FBN1: variants seen among roughly 807,000 people sequenced by gnomAD.
FBN1 encodes the protein fibrillin-1.
Under a neutral mutation model 365.1 loss-of-function variants are expected in FBN1, and 29 were observed. The observed-to-expected ratio is 0.08, with a 90% CI of 0.06 to 0.11. The LOEUF (loss-of-function observed/expected upper bound fraction) is 0.11. Among genes scored for constraint, FBN1 ranks in the 10% least tolerant of loss-of-function variants. The probability of loss-of-function intolerance (pLI) is 1.00; values close to 1 mark genes in which losing one functional copy is unlikely to be tolerated. For missense variants in FBN1, 2,476 were observed against 3,703.2 expected, an observed-to-expected ratio of 0.67 and a Z score of 8.60; for synonymous variants, 1,210 against 1,270.5, an observed-to-expected ratio of 0.95 and a Z score of 1.01.
In FBN1 at chr15:48,412,737, A is replaced by G; in HGVS notation, c.8058T>C (p.Cys2686=). The G allele has an allele frequency of 6.2e-7, 1 of 1,614,228 alleles. No individual in the cohort carries two copies. Among genetic ancestry groups the G allele is most frequent in the Non-Finnish European group, 8.5e-7 (1 of 1,180,032 alleles). Residue 2686 remains cysteine (C), a synonymous_variant, in exon 65 of 66, where the codon TGT becomes TGC. Coordinates refer to ENST00000316623, the MANE Select transcript of FBN1 (RefSeq NM_000138.5). The part of the protein sequence containing the change: ...PGYFRIGQGH[C]VSGMGMGRGN... ...CTCGGCCCATGCCCATTCCAGAAAC[A>G]CAGTGCCTGCAGCAGAAGGGGAGCA...
At chr15:48,571,121 T>C (rs1597611501) in intron 6 of FBN1, among the ~76,000 whole-genome samples, 1 of 152,328 alleles carries the variant, frequency 6.6e-6, no homozygotes, top group South Asian at 2.1e-4. Flanking sequence ...CAGGTCAGCA[T>C]GGGTATGAGA....
chr15:48,518,629 C>A (rs910685469), intron 10 of FBN1, among the ~76,000 whole-genome samples: 42 of 152,344 alleles, frequency 2.8e-4, no homozygotes, highest in Admixed American at 7.8e-4. Flanking sequence ...CTATTTTTTA[C>A]AGATTTAGTA....
intron 22 of FBN1, 148 bp downstream of exon 22, chr15:48,494,975 A>G (rs2043592127): frequency 1.1e-6 from 1 of 876,900 alleles, no homozygotes; most frequent in Admixed American, 2.1e-5. Context: ...GACACTTCTT[A>G]TTTCCCATTC....
At chr15:48,602,631 A>G (rs2044576230) in intron 4 of FBN1, among the ~76,000 whole-genome samples, 1 of 152,234 alleles carries the variant, frequency 6.6e-6, no homozygotes, top group Non-Finnish European at 1.5e-5. Context: ...GTATGAATGC[A>G]GAAATAACTC....
chr15:48,543,711 T>C (rs940636095), intron 6 of FBN1, among the ~76,000 whole-genome samples: 2 of 152,176 alleles, frequency 1.3e-5, no homozygotes, highest in African/African-American at 4.8e-5. Context: ...TTATTTTAGA[T>C]TAAAAATCAT....
rs765924733 is a variant in FBN1 at position 48,421,518 on chromosome 15, A to T, written c.7699+40T>A. The stretch of plus-strand genomic sequence containing the variant: ...AATAGCCACACAGGCCACCTCCACA[A>T]GGATTCACCAGCTGGATCGCAGCTG... On this transcript the variant is annotated intron_variant, in intron 62 of 65. Coordinates refer to ENST00000316623, the MANE Select transcript of FBN1 (RefSeq NM_000138.5). 3.7e-6 allele frequency: 6 copies of T among 1,605,712 alleles called. No individual in the cohort carries two copies. The East Asian group carries it at 6.8e-5, about 18-fold the overall frequency.
rs777262423 is a variant in FBN1, at chr15:48,485,507, T to C, written c.3590-11A>G. The C allele has an allele frequency of 6.2e-6, 10 of 1,614,040 alleles. No individual in the cohort carries two copies. Among genetic ancestry groups the C allele is most frequent in the Non-Finnish European group, 8.5e-6 (10 of 1,179,968 alleles). ...TGCATTCATCAATGTCTAAAAGAAATGAAAATAATATCACCTTCTGATATG... is the reference window on the plus strand; with the variant it reads ...TGCATTCATCAATGTCTAAAAGAAACGAAAATAATATCACCTTCTGATATG... On this transcript the variant is annotated splice_polypyrimidine_tract_variant and intron_variant, in intron 29 of 65. Coordinates refer to ENST00000316623, the MANE Select transcript of FBN1 (RefSeq NM_000138.5).
intron 2 of FBN1, among the ~76,000 whole-genome samples, chr15:48,630,873 T>A (rs143738742): frequency 6.6e-6 from 1 of 152,226 alleles, no homozygotes; most frequent in Admixed American, 6.5e-5. Context: ...ATTAAGTAAT[T>A]TGAACATTTT....
chr15:48,498,599 T>C (rs1029191223), intron 18 of FBN1, among the ~76,000 whole-genome samples: 5 of 152,216 alleles, frequency 3.3e-5, no homozygotes, highest in Non-Finnish European at 5.9e-5. Context: ...TCCTTCAGAA[T>C]GCAGATGGAG....
chr15:48,513,156 G>C (rs918810565), intron 13 of FBN1, among the ~76,000 whole-genome samples: 3 of 152,290 alleles, frequency 2.0e-5, no homozygotes, highest in East Asian at 1.9e-4. Flanking sequence ...CAAGGGCTTA[G>C]AGTGACATCC....
At chr15:48,469,682 T>C (rs1209413301) in intron 36 of FBN1, among the ~76,000 whole-genome samples, 1 of 152,104 alleles carries the variant, frequency 6.6e-6, no homozygotes, top group East Asian at 1.9e-4. Context: ...CATGTGAATT[T>C]GGACGGACAG....
chr15:48,576,446 C>T (rs1478354363), intron 6 of FBN1, among the ~76,000 whole-genome samples: 1 of 152,170 alleles, frequency 6.6e-6, no homozygotes, highest in East Asian at 1.9e-4. Context: ...TCACTCTGTA[C>T]TGGACTCCTT....
In FBN1 at chr15:48,610,708, T is replaced by C. The variant is rs925045998; in HGVS notation, c.346+20A>G. On this transcript the variant is annotated intron_variant, in intron 4 of 65. Coordinates refer to ENST00000316623, the MANE Select transcript of FBN1 (RefSeq NM_000138.5). ...TAACCACATAAAATAATATTATATA[T>C]AATGACATGTTAGACTTACTGGATC... The C allele has an allele frequency of 6.4e-7, 1 of 1,556,430 alleles. No individual in the cohort carries two copies. Among genetic ancestry groups the C allele is most frequent in the Non-Finnish European group, 8.9e-7 (1 of 1,128,486 alleles).
At chr15:48,494,035 A>C (rs998827131) in intron 23 of FBN1, among the ~76,000 whole-genome samples, 169 bp downstream of exon 23, 2 of 152,190 alleles carry the variant, frequency 1.3e-5, no homozygotes, top group African/African-American at 4.8e-5. Context: ...GCAACAGTAT[A>C]TATATGCTTG....
chr15:48,551,580 T>A (rs1040201472), intron 6 of FBN1, among the ~76,000 whole-genome samples: 2 of 152,010 alleles, frequency 1.3e-5, no homozygotes, highest in South Asian at 4.2e-4. Flanking sequence ...GGTAAACTTG[T>A]GTCAAGGGGG....
At chr15:48,422,571 C>T (rs959560056) in intron 60 of FBN1, among the ~76,000 whole-genome samples, 1 of 152,148 alleles carries the variant, frequency 6.6e-6, no homozygotes, top group Admixed American at 6.5e-5. Flanking sequence ...TTTCTTTAGT[C>T]GTGATTCTTC....
rs3074895 is a variant in FBN1 at position 48,456,843 on chromosome 15, C to CGTGT, written c.5297-85_5297-82dup. 0.4 allele frequency: 292,762 copies of CGTGT among 738,196 alleles called. 23,453 individuals are homozygous for CGTGT. The highest frequency in any genetic ancestry group is 0.46 in the Admixed American group (23,098 of 49,898). 45.7% of individuals were successfully genotyped at this position (738,196 alleles called of 1,614,324 possible). A position where few individuals can be genotyped will look rare whatever the true frequency, so the allele number is the denominator to read the frequency against. On this transcript the variant is annotated intron_variant, in intron 43 of 65. Coordinates refer to ENST00000316623, the MANE Select transcript of FBN1 (RefSeq NM_000138.5). ...GGTAAGACAAGATGGAAAGTGCGTG[C>CGTGT]GTGTGTGTGTGTGTGTGTGTGTGTG... is the stretch of plus-strand genomic sequence containing the variant.
At chr15:48,569,161 C>T (rs900617147) in intron 6 of FBN1, among the ~76,000 whole-genome samples, 14 of 151,830 alleles carry the variant, frequency 9.2e-5, no homozygotes, top group Non-Finnish European at 1.6e-4. Context: ...TTTTAAAAGC[C>T]GGCAAGACAT....
chr15:48,544,162 T>G (rs2044078627), intron 6 of FBN1, among the ~76,000 whole-genome samples: 1 of 152,294 alleles, frequency 6.6e-6, no homozygotes, highest in Admixed American at 6.5e-5. Flanking sequence ...ACTTTTACTA[T>G]GCAATGTTGC....
Sources: gnomAD v4.1 joint callset for allele counts (sites outside exome capture counted in the v4.1 genomes callset) on GRCh38, gnomAD v4.1.1 for gene constraint, MANE v1.5 for transcripts, NCBI Gene and HGNC (gene_info 2026-07-23, HGNC 2026-07-21) for gene names.